Variants in STXBP4 observed in about 807,000 individuals in gnomAD.
STXBP4 encodes syntaxin-binding protein 4.
In STXBP4, 55 loss-of-function variants were observed where a neutral mutation model predicts 76.1. That is an observed-to-expected ratio of 0.72 (90% CI 0.58 to 0.91). The LOEUF is 0.91. Among genes scored for constraint, STXBP4 ranks in the 40% least tolerant of loss-of-function variants. STXBP4 has a pLI of 0.00. For missense variants in STXBP4, 618 were observed against 636.9 expected, an observed-to-expected ratio of 0.97 and a Z score of 0.32; for synonymous variants, 201 against 220.2, an observed-to-expected ratio of 0.91 and a Z score of 0.77.
the STXBP4 span, among the ~76,000 whole-genome samples, chr17:55,188,799 C>T: frequency 1.4e-3 from 217 of 152,270 alleles, 5 homozygotes; most frequent in East Asian, 0.039. Flanking sequence ...AAATGCTTTC[C>T]GAGTTTCCTC....
chr17:54,975,698 A>G (rs2077463879), intron 1 of STXBP4, among the ~76,000 whole-genome samples: 1 of 152,152 alleles, frequency 6.6e-6, no homozygotes, highest in African/African-American at 2.4e-5. Context: ...ACTTGCTACC[A>G]TAGCCCATAA....
In STXBP4 at chr17:54,988,966, T is replaced by C. The variant is rs139177185; in HGVS notation, c.48-1859T>C. ...GAGAGCAAAATAGTCAAAAACGGAG[T>C]TCTATGTGCTTTTTAAAAAAATTTC... On this transcript the variant is annotated intron_variant, in intron 3 of 17. Transcript: ENST00000376352. Among the ~76,000 whole-genome samples the C allele has an allele frequency of 5.4e-4, 82 of 152,216 alleles. No homozygotes were observed. In the East Asian group the frequency reaches 0.011, roughly 21 times the overall value.
chr17:55,080,911 A>G, intron 15 of STXBP4, 139 bp from the exon 16 acceptor site: 1 of 707,596 alleles, frequency 1.4e-6, no homozygotes, highest in Non-Finnish European at 2.0e-6. Context: ...GAATTACTTC[A>G]ATTTTGGTTA....
intron 16 of STXBP4, among the ~76,000 whole-genome samples, chr17:55,125,051 A>G (rs539400083): frequency 6.6e-6 from 1 of 152,330 alleles, no homozygotes; most frequent in Admixed American, 6.5e-5. Context: ...GAGCTTTACC[A>G]TAAGAATTTT....
chr17:55,102,339 G>A (rs1205095346), intron 16 of STXBP4, among the ~76,000 whole-genome samples: 2 of 151,962 alleles, frequency 1.3e-5, no homozygotes, highest in East Asian at 1.9e-4. Context: ...ATGTGTTCTC[G>A]TTGTTTAACT....
At chr17:55,050,020 G>A (rs1326002906) in intron 12 of STXBP4, among the ~76,000 whole-genome samples, 1 of 151,956 alleles carries the variant, frequency 6.6e-6, no homozygotes, top group Non-Finnish European at 1.5e-5. Flanking sequence ...TAGCGTTGAT[G>A]TATAAACTTA....
At chr17:55,156,750 A>T (rs1382693110) in intron 17 of STXBP4, among the ~76,000 whole-genome samples, 2 of 152,172 alleles carry the variant, frequency 1.3e-5, no homozygotes, top group East Asian at 1.9e-4. Flanking sequence ...GTTTTTAGGC[A>T]TATACAAAAA....
chr17:55,137,142 G>A (rs945919260), intron 16 of STXBP4, among the ~76,000 whole-genome samples: 1 of 152,086 alleles, frequency 6.6e-6, no homozygotes, highest in Admixed American at 6.6e-5. Context: ...TGCAATTGAA[G>A]AACATTACAT....
intron 16 of STXBP4, among the ~76,000 whole-genome samples, chr17:55,133,226 G>A (rs746103832): frequency 2.6e-5 from 4 of 152,134 alleles, no homozygotes; most frequent in Non-Finnish European, 4.4e-5. Flanking sequence ...AAGCCACCAA[G>A]ATATGCTGGT....
chr17:55,133,230 T>A (rs1324030301), intron 16 of STXBP4, among the ~76,000 whole-genome samples: 1 of 151,810 alleles, frequency 6.6e-6, no homozygotes, highest in African/African-American at 2.4e-5. Context: ...CACCAAGATA[T>A]GCTGGTTGAT....
rs868492362 is a variant in STXBP4, at chr17:55,034,331, T to C, written c.855+72T>C. The C allele has an allele frequency of 3.1e-6, 3 of 978,108 alleles. No homozygotes were observed. In the African/African-American group the frequency reaches 4.9e-5, roughly 16 times the overall value. 60.6% of individuals were successfully genotyped at this position (978,108 alleles called of 1,614,324 possible). On this transcript the variant is annotated intron_variant, in intron 10 of 17. Coordinates refer to ENST00000376352, the MANE Select transcript of STXBP4 (RefSeq NM_178509.6). ...TCTTGAATGTTATATGTCATATGTG[T>C]AGGCTTTTTTCACTTAAAAATAGAA...
chr17:54,972,672 C>T (rs942485916), intron 1 of STXBP4, among the ~76,000 whole-genome samples: 4 of 152,214 alleles, frequency 2.6e-5, no homozygotes, highest in South Asian at 2.1e-4. Flanking sequence ...TTCTCTGCCA[C>T]GAATTTTGGT....
At chr17:55,146,242 C>G (rs1467090100) in intron 17 of STXBP4, among the ~76,000 whole-genome samples, 2 of 152,178 alleles carry the variant, frequency 1.3e-5, no homozygotes, top group African/African-American at 4.8e-5. Context: ...TATATTAACT[C>G]TATATCTGCA....
Position 55,058,404 on chromosome 17 carries a change from C to A in STXBP4, c.1011+11250C>A, listed in dbSNP as rs544790605. Among the ~76,000 whole-genome samples the A allele has an allele frequency of 2.9e-4, 44 of 152,158 alleles. 1 individual carries two copies. The highest frequency in any genetic ancestry group is 6.8e-3 in the Middle Eastern group (2 of 294). On this transcript the variant is annotated intron_variant, in intron 12 of 17. Coordinates refer to ENST00000376352, the MANE Select transcript of STXBP4 (RefSeq NM_178509.6). Reference sequence around the variant, plus strand: ...CACCCACTTTTTGATGGGGTTAATACATTTAAATTTTCGATGCAACATAGC... The same window carrying A: ...CACCCACTTTTTGATGGGGTTAATAAATTTAAATTTTCGATGCAACATAGC...
intron 8 of STXBP4, among the ~76,000 whole-genome samples, chr17:55,014,406 G>C (rs1300729450): frequency 6.6e-6 from 1 of 152,144 alleles, no homozygotes; most frequent in African/African-American, 2.4e-5. Context: ...AATTAGAAAA[G>C]CATGTGAAAA....
intron 3 of STXBP4, among the ~76,000 whole-genome samples, chr17:54,987,834 C>G (rs989040788): frequency 3.3e-5 from 5 of 152,116 alleles, no homozygotes; most frequent in African/African-American, 1.2e-4. Context: ...GCAAAAATGC[C>G]TCTTTTCCCA....
the STXBP4 span, among the ~76,000 whole-genome samples, chr17:55,193,731 G>C: frequency 1.4e-5 from 2 of 141,594 alleles, no homozygotes; most frequent in Admixed American, 1.5e-4. Flanking sequence ...TGGAGAATTA[G>C]AAATTTGGTT....
intron 1 of STXBP4, among the ~76,000 whole-genome samples, chr17:54,980,632 T>C (rs1422422198): frequency 6.6e-6 from 1 of 152,194 alleles, no homozygotes; most frequent in Non-Finnish European, 1.5e-5. Context: ...CTGCAGCTAA[T>C]CAGAAGTACT....
chr17:55,094,611 T>TA (rs1169286779), intron 16 of STXBP4, among the ~76,000 whole-genome samples: 1 of 152,064 alleles, frequency 6.6e-6, no homozygotes, highest in Non-Finnish European at 1.5e-5. Context: ...TTTCAATGAG[T>TA]AAAAAAAAGT....
Sources: allele counts gnomAD v4.1 joint callset (sites outside exome capture counted in the v4.1 genomes callset), GRCh38; gene constraint gnomAD v4.1.1; transcripts MANE v1.5; gene names NCBI Gene and HGNC (gene_info 2026-07-23, HGNC 2026-07-21).